The following ZNF407 variants were observed in gnomAD, a reference collection of about 807,000 sequenced individuals.
The protein encoded by ZNF407 is zinc finger protein 407.
ZNF407 carries 17 observed loss-of-function variants against 131.2 expected under a neutral mutation model. The observed-to-expected ratio is 0.13, with a 90% confidence interval of 0.09 to 0.19. ZNF407 has a LOEUF of 0.19. Ranked by LOEUF, ZNF407 falls within the 10% of genes least tolerant of loss-of-function variation. The pLI, the probability that ZNF407 is intolerant of heterozygous loss-of-function variation, is 1.00. For synonymous variants in ZNF407, 1,156 were observed against 1,062.0 expected (o/e 1.09, Z -1.72); for missense variants, 2,681 against 2,830.6 (o/e 0.95, Z 1.20).
At chr18:74,757,592 C>G (rs1359626879) in intron 3 of ZNF407, among the ~76,000 whole-genome samples, 9 of 152,024 alleles carry the variant, frequency 5.9e-5, no homozygotes, top group Admixed American at 5.9e-4. Context: ...GTTCTGGAGG[C>G]TATTCTCTGG....
intron 3 of ZNF407, among the ~76,000 whole-genome samples, chr18:74,706,078 G>T (rs1171177583): frequency 1.3e-5 from 2 of 152,102 alleles, no homozygotes; most frequent in African/African-American, 4.8e-5. Context: ...ACATATCAGT[G>T]CACTGTGGTT....
intron 3 of ZNF407, among the ~76,000 whole-genome samples, chr18:74,691,598 T>C (rs1435914756): frequency 6.6e-6 from 1 of 152,096 alleles, no homozygotes; most frequent in East Asian, 1.9e-4. Flanking sequence ...TATATATTAA[T>C]TTGCTATTCT....
intron 4 of ZNF407, among the ~76,000 whole-genome samples, chr18:74,871,872 T>C (rs1971091989): frequency 6.6e-6 from 1 of 151,750 alleles, no homozygotes; most frequent in Non-Finnish European, 1.5e-5. Context: ...CTTTCTTTTT[T>C]TTTTTTTGAA....
chr18:74,632,965 T>C lies in ZNF407; in HGVS notation c.1946T>C (p.Leu649Ser), dbSNP rs758396127. Reference sequence around the variant, plus strand: ...AATTCATTGGTTCAACCAAAGACTTTGCAATCATCTAACAGTGATTTGGTT... The same window carrying C: ...AATTCATTGGTTCAACCAAAGACTTCGCAATCATCTAACAGTGATTTGGTT... The part of the protein sequence containing the change: ...HINSLVQPKT[L>S]QSSNSDLVLQ... The change falls in exon 2 of 9, where the codon TTG becomes TCG. Residue 649 changes from leucine to serine, a missense_variant. By Grantham distance (145) the Leu-to-Ser change is moderately radical. Around this residue, in one of 6 missense-constraint regions of ZNF407, gnomAD observed 1,789 missense variants for 1,748.7 expected, o/e 1.02. Coordinates refer to ENST00000299687, the MANE Select transcript of ZNF407 (RefSeq NM_017757.3). The C allele has an allele frequency of 1.2e-6, 2 of 1,613,062 alleles. No individual in the cohort carries two copies. Among genetic ancestry groups the C allele is most frequent in the South Asian group, 1.1e-5 (1 of 91,020 alleles).
chr18:74,983,912 G>A (rs1158456280), intron 8 of ZNF407, among the ~76,000 whole-genome samples: 1 of 152,204 alleles, frequency 6.6e-6, no homozygotes, highest in Non-Finnish European at 1.5e-5. Context: ...AGTTAGCAAA[G>A]ATGAAGGGGA....
chr18:74,908,964 A>G (rs2628113), intron 7 of ZNF407, among the ~76,000 whole-genome samples: 118,551 of 151,868 alleles, frequency 0.78, 47,592 homozygotes, highest in Non-Finnish European at 0.87. Flanking sequence ...TTTAATTTAC[A>G]TAAAGATTTT....
In ZNF407 at chr18:74,699,920, C is replaced by G. The variant is rs1277377554; in HGVS notation, c.4802+58798C>G. On this transcript the variant is annotated intron_variant, in intron 3 of 8. Transcript: ENST00000299687. Reference sequence around the variant, plus strand: ...GACAAAATTATATGCACATGTTTCTCTTAGTAAATTAAAGTTGCCCCTAAA... The same window carrying G: ...GACAAAATTATATGCACATGTTTCTGTTAGTAAATTAAAGTTGCCCCTAAA... Among the ~76,000 whole-genome samples, 11 of 152,150 alleles carry G rather than the reference C, an allele frequency of 7.2e-5. 1 individual carries two copies. In the South Asian group the frequency reaches 2.3e-3, roughly 32 times the overall value.
chr18:74,833,114 C>G (rs1368719533), intron 4 of ZNF407, among the ~76,000 whole-genome samples: 1 of 152,152 alleles, frequency 6.6e-6, no homozygotes, highest in Non-Finnish European at 1.5e-5. Context: ...GAGTTTCATT[C>G]TGGAAGCCAG....
At chr18:75,046,759 A>G (rs1401075117) in intron 8 of ZNF407, among the ~76,000 whole-genome samples, 1 of 150,630 alleles carries the variant, frequency 6.6e-6, no homozygotes, top group Non-Finnish European at 1.5e-5. Flanking sequence ...ATTGAAGACA[A>G]TGAAAAAAAA....
intron 3 of ZNF407, among the ~76,000 whole-genome samples, chr18:74,739,136 G>A (rs982033147): frequency 6.6e-6 from 1 of 151,592 alleles, no homozygotes; most frequent in Non-Finnish European, 1.5e-5. Flanking sequence ...CCCTAAAGAT[G>A]TGGTATACAT....
chr18:74,634,958 A>G lies in ZNF407; in HGVS notation c.3939A>G (p.Gln1313=). The G allele has an allele frequency of 6.2e-7, 1 of 1,614,052 alleles. No homozygotes were observed. ...ATAAGGAAATTCTGATGAATTCACA[A>G]CATGAAACAGAATTTATTTTGGAGG... The part of the protein sequence containing the change: ...LGNKEILMNS[Q]HETEFILEED... The change falls in exon 2 of 9, where the codon CAA becomes CAG. Residue 1313 remains glutamine, a synonymous_variant. Transcript: ENST00000299687.
chr18:74,924,341 C>A (rs191408172), intron 8 of ZNF407, among the ~76,000 whole-genome samples: 4 of 151,910 alleles, frequency 2.6e-5, no homozygotes, highest in East Asian at 1.9e-4. Context: ...AAAAAAAACA[C>A]CTTTCTCCAC....
intron 8 of ZNF407, among the ~76,000 whole-genome samples, chr18:75,004,174 C>A (rs1972879728): frequency 6.6e-6 from 1 of 152,138 alleles, no homozygotes; most frequent in South Asian, 2.1e-4. Flanking sequence ...CATGGCCTCT[C>A]CGCGGTGCAC....
intron 8 of ZNF407, among the ~76,000 whole-genome samples, chr18:74,971,095 G>T (rs1972467198): frequency 6.6e-6 from 1 of 152,212 alleles, no homozygotes; most frequent in South Asian, 2.1e-4. Context: ...CATGGCTGGA[G>T]TGGCTGGGAC....
chr18:74,946,987 T>C (rs574091918), intron 8 of ZNF407, among the ~76,000 whole-genome samples: 3 of 152,336 alleles, frequency 2.0e-5, no homozygotes, highest in Non-Finnish European at 2.9e-5. Context: ...AAAGCATTTT[T>C]CTTTTGGTCA....
rs776535421 is a variant in ZNF407, at chr18:75,063,775, C to G, written c.6054C>G (p.Asp2018Glu). The G allele has an allele frequency of 6.2e-7, 1 of 1,610,588 alleles. No individual in the cohort carries two copies. The highest frequency in any genetic ancestry group is 8.5e-7 in the Non-Finnish European group (1 of 1,179,784). Reference sequence around the variant, plus strand: ...AGCAAGGCAGGCCCGGCGCCAAAGACGTGCTGATCCAGCTGCCCGGGCAGG... The same window carrying G: ...AGCAAGGCAGGCCCGGCGCCAAAGAGGTGCTGATCCAGCTGCCCGGGCAGG... ...LEEQGRPGAKDVLIQLPGQEV... is the reference protein window; with the variant it reads ...LEEQGRPGAKEVLIQLPGQEV... Residue 2018 changes from aspartate to glutamate, a missense_variant, in exon 9 of 9, where the codon GAC becomes GAG. By Grantham distance (45) the Asp-to-Glu change is conservative. Around this residue, in one of 6 missense-constraint regions of ZNF407, gnomAD observed 620 missense variants for 583.1 expected, o/e 1.06. Transcript: ENST00000299687. The surrounding 1 kb of genome is among the most constrained non-coding windows in gnomAD (Gnocchi z 6.6).
intron 8 of ZNF407, among the ~76,000 whole-genome samples, chr18:74,968,710 T>C (rs762500483): frequency 1.3e-5 from 2 of 152,180 alleles, no homozygotes; most frequent in Non-Finnish European, 2.9e-5. Flanking sequence ...ATTTCAAGAT[T>C]TTTTTCTTTG....
chr18:74,620,587 A>G (rs1983471860), intron 1 of ZNF407, among the ~76,000 whole-genome samples: 1 of 152,204 alleles, frequency 6.6e-6, no homozygotes, highest in Non-Finnish European at 1.5e-5. Flanking sequence ...TGAGAATTTT[A>G]CTATACTCTG....
chr18:74,671,413 T>G (rs558722230), intron 3 of ZNF407, among the ~76,000 whole-genome samples: 40 of 152,264 alleles, frequency 2.6e-4, no homozygotes, highest in African/African-American at 8.7e-4. Context: ...TGTTATATAG[T>G]TAAACTCATG....
Sources: allele counts gnomAD v4.1 joint callset (sites outside exome capture counted in the v4.1 genomes callset), GRCh38; gene constraint gnomAD v4.1.1; regional missense constraint gnomAD v4.1.1; non-coding constraint Gnocchi (gnomAD v3.1); transcripts MANE v1.5; gene names NCBI Gene and HGNC (gene_info 2026-07-23, HGNC 2026-07-21).